FOXN3: variants seen among roughly 807,000 people sequenced by gnomAD.
FOXN3 encodes the protein forkhead box protein N3.
Under a neutral mutation model 38.4 loss-of-function variants are expected in FOXN3, and 7 were observed. That is an observed-to-expected ratio of 0.18 (90% confidence interval 0.10 to 0.34). The LOEUF (loss-of-function observed/expected upper bound fraction) is 0.34. Among genes scored for constraint, FOXN3 ranks in the 10% least tolerant of loss-of-function variants. FOXN3 has a pLI of 1.00. For missense variants in FOXN3, 456 were observed against 613.4 expected (o/e 0.74, Z 2.71); for synonymous variants, 230 against 242.2 (o/e 0.95, Z 0.47).
At chr14:89,379,752 C>A (rs921291112) in intron 2 of FOXN3, among the ~76,000 whole-genome samples, 1 of 152,166 alleles carries the variant, frequency 6.6e-6, no homozygotes, top group Non-Finnish European at 1.5e-5. Context: ...CTCCCCACCA[C>A]CAGGTTCAAG....
chr14:89,304,944 TAAAAAA>T (rs200830937), intron 3 of FOXN3, among the ~76,000 whole-genome samples: 1 of 133,610 alleles, frequency 7.5e-6, no homozygotes, highest in Non-Finnish European at 1.6e-5. Context: ...TGTAGTTTCT[TAAAAAA>T]AAAAAAAAAA....
chr14:89,466,722 A>G (rs1412343968), intron 1 of FOXN3, among the ~76,000 whole-genome samples: 1 of 152,192 alleles, frequency 6.6e-6, no homozygotes, highest in Non-Finnish European at 1.5e-5. Flanking sequence ...AGCACGGCAC[A>G]GAGAATTACA....
chr14:89,248,136 A>G (rs1885350417), intron 4 of FOXN3, among the ~76,000 whole-genome samples: 1 of 152,048 alleles, frequency 6.6e-6, no homozygotes, highest in African/African-American at 2.4e-5. Flanking sequence ...GCTTAGCTGG[A>G]CCTGAGGTCA....
At chr14:89,270,995 T>TAA (rs1886137162) in intron 4 of FOXN3, among the ~76,000 whole-genome samples, 1 of 151,966 alleles carries the variant, frequency 6.6e-6, no homozygotes, top group Admixed American at 6.6e-5. Context: ...TTGGCACTGG[T>TAA]AAAGGCCTGA....
chr14:89,394,147 C>T (rs1433417719), intron 2 of FOXN3, among the ~76,000 whole-genome samples: 1 of 152,024 alleles, frequency 6.6e-6, no homozygotes, highest in Non-Finnish European at 1.5e-5. Flanking sequence ...AGGTGGTGCC[C>T]CCATGACCCA....
At chr14:89,315,158 T>C (rs1426983007) in intron 3 of FOXN3, among the ~76,000 whole-genome samples, 1 of 152,048 alleles carries the variant, frequency 6.6e-6, no homozygotes, top group African/African-American at 2.4e-5. Context: ...GGGCCCAGCA[T>C]CATTCTAGGG....
rs1217613270 is a variant in FOXN3 at position 89,288,689 on chromosome 14, T to G, written c.681-7675A>C. On this transcript the variant is annotated intron_variant, in intron 3 of 5. Coordinates refer to ENST00000557258, the MANE Select transcript of FOXN3 (RefSeq NM_005197.4). ...CTCTCTTTCTCTCTCTCTCTCTCTC[T>G]CTCTCTCTCTCTCTCTCTCTCTCTC... Among the ~76,000 whole-genome samples the G allele has an allele frequency of 1.0e-3, 105 of 100,746 alleles. 3 individuals carry two copies. Among genetic ancestry groups the G allele is most frequent in the Middle Eastern group, 4.5e-3 (1 of 220 alleles). 66.1% of individuals were successfully genotyped at this position (100,746 alleles called of 152,430 possible). A position where few individuals can be genotyped will look rare whatever the true frequency, so the allele number is the denominator to read the frequency against.
chr14:89,397,956 A>G (rs1239786657), intron 2 of FOXN3, among the ~76,000 whole-genome samples: 1 of 152,172 alleles, frequency 6.6e-6, no homozygotes, highest in Admixed American at 6.5e-5. Flanking sequence ...ACCTCTGGAC[A>G]AGCCACGTCT....
chr14:89,555,788 G>A (rs1285105711), intron 1 of FOXN3, among the ~76,000 whole-genome samples: 1 of 150,270 alleles, frequency 6.7e-6, no homozygotes, highest in Non-Finnish European at 1.5e-5. Flanking sequence ...AGACCCCATT[G>A]TAAGTTTGTA....
At chr14:89,557,856 A>T (rs1895161204) in intron 1 of FOXN3, among the ~76,000 whole-genome samples, 1 of 152,120 alleles carries the variant, frequency 6.6e-6, no homozygotes, top group Admixed American at 6.5e-5. Context: ...AAATACAAAA[A>T]TTAGCTGGGC....
Position 89,350,661 on chromosome 14 carries a change from G to C in FOXN3, c.680+11C>G. The C allele has an allele frequency of 1.3e-6, 2 of 1,510,506 alleles. No homozygotes were observed. The highest frequency in any genetic ancestry group is 1.8e-6 in the Non-Finnish European group (2 of 1,134,044). The allele number at this position is 1,510,506 out of a possible 1,614,324, so 93.6% of individuals were successfully genotyped here. ...TCAGTAGACCAAAAAAAAGAAGTCT[G>C]AATTGCTTACCTTTGATATGCCTGA... On this transcript the variant is annotated intron_variant, in intron 3 of 5. Transcript: ENST00000557258.
intron 5 of FOXN3, among the ~76,000 whole-genome samples, chr14:89,166,071 T>C (rs1887233309): frequency 6.6e-6 from 1 of 152,152 alleles, no homozygotes; most frequent in Non-Finnish European, 1.5e-5. Flanking sequence ...TGAATCTAGG[T>C]GAAGGGTCTG....
At chr14:89,355,923 A>G (rs1408601469) in intron 2 of FOXN3, among the ~76,000 whole-genome samples, 4 of 152,148 alleles carry the variant, frequency 2.6e-5, no homozygotes, top group Non-Finnish European at 5.9e-5. Context: ...GAACGGGGAT[A>G]AGGAGGCAGG....
At chr14:89,559,101 G>C (rs1047060781) in intron 1 of FOXN3, among the ~76,000 whole-genome samples, 1 of 151,860 alleles carries the variant, frequency 6.6e-6, no homozygotes, top group African/African-American at 2.4e-5. Flanking sequence ...GGCTCACACC[G>C]GTAATCCCAG....
At chr14:89,583,094 T>A (rs1566708512) in intron 1 of FOXN3, among the ~76,000 whole-genome samples, 1 of 152,264 alleles carries the variant, frequency 6.6e-6, no homozygotes. Context: ...TTTGTGTGAA[T>A]GTACGCTTTC....
chr14:89,323,336 G>A (rs1229505480), intron 3 of FOXN3, among the ~76,000 whole-genome samples: 2 of 151,222 alleles, frequency 1.3e-5, no homozygotes, highest in African/African-American at 4.9e-5. Context: ...AATGACAGTG[G>A]GGCACGAGTA....
intron 3 of FOXN3, among the ~76,000 whole-genome samples, chr14:89,309,449 A>C (rs1356105585): frequency 6.6e-6 from 1 of 152,210 alleles, no homozygotes; most frequent in East Asian, 1.9e-4. Context: ...TATTAGAATT[A>C]AAAATTTATA....
At chr14:89,166,928 C>T (rs962371036) in intron 5 of FOXN3, among the ~76,000 whole-genome samples, 1 of 152,220 alleles carries the variant, frequency 6.6e-6, no homozygotes, top group South Asian at 2.1e-4. Flanking sequence ...AAGAAACCAG[C>T]CATTCTGAAC....
intron 2 of FOXN3, among the ~76,000 whole-genome samples, chr14:89,377,778 G>C (rs61561345): frequency 0.091 from 13,911 of 152,248 alleles, 857 homozygotes; most frequent in East Asian, 0.33. Flanking sequence ...TTCACGTGTT[G>C]AAGCCCTGGC....
Sources: gnomAD v4.1 joint callset for allele counts (sites outside exome capture counted in the v4.1 genomes callset) on GRCh38, gnomAD v4.1.1 for gene constraint, MANE v1.5 for transcripts, NCBI Gene and HGNC (gene_info 2026-07-23, HGNC 2026-07-21) for gene names.